Variants in ERBB4 observed in about 807,000 individuals in gnomAD.
ERBB4 encodes the protein receptor tyrosine-protein kinase erbB-4.
ERBB4 carries 42 observed loss-of-function variants against 158.0 expected under a neutral mutation model. The ratio of observed to expected loss-of-function variants is 0.27; its 90% CI spans 0.21 to 0.34. The LOEUF (loss-of-function observed/expected upper bound fraction) is 0.34. Among genes scored for constraint, ERBB4 ranks in the 10% least tolerant of loss-of-function variants. ERBB4 has a pLI of 1.00. For synonymous variants in ERBB4, 583 were observed against 558.7 expected, an observed-to-expected ratio of 1.04 and a Z score of -0.61; for missense variants, 1,333 against 1,624.1, an observed-to-expected ratio of 0.82 and a Z score of 3.08.
intron 20 of ERBB4, among the ~76,000 whole-genome samples, chr2:211,499,320 C>G (rs542157893): frequency 6.6e-6 from 1 of 151,868 alleles, no homozygotes; most frequent in Non-Finnish European, 1.5e-5. Context: ...GTCAGGAGAT[C>G]GAGACCATCC....
intron 20 of ERBB4, among the ~76,000 whole-genome samples, chr2:211,546,055 C>T (rs1421214771): frequency 2.0e-5 from 3 of 151,998 alleles, no homozygotes; most frequent in Non-Finnish European, 4.4e-5. Flanking sequence ...CCAAATAAAA[C>T]ATCATGAACC....
At chr2:211,515,914 T>TATATATATATATATATATATA (rs1559248895) in intron 20 of ERBB4, among the ~76,000 whole-genome samples, 2 of 50,706 alleles carry the variant, frequency 3.9e-5, no homozygotes, top group Admixed American at 2.2e-4. Flanking sequence ...ATATATATAT[T>TATATATATATATATATATATA]TTTTTTTTTT....
At chr2:212,329,406 A>T (rs2088019916) in intron 1 of ERBB4, among the ~76,000 whole-genome samples, 1 of 152,096 alleles carries the variant, frequency 6.6e-6, no homozygotes, top group Admixed American at 6.6e-5. Flanking sequence ...CTGTAATGGA[A>T]AAACAGTATG....
At chr2:211,555,115 T>C (rs1340447945) in intron 20 of ERBB4, among the ~76,000 whole-genome samples, 2 of 152,036 alleles carry the variant, frequency 1.3e-5, no homozygotes, top group Non-Finnish European at 2.9e-5. Context: ...TTCAGTCAAG[T>C]CCAAAGGCAG....
chr2:211,741,501 TAG>T (rs575541868), intron 5 of ERBB4, among the ~76,000 whole-genome samples: 21 of 137,966 alleles, frequency 1.5e-4, no homozygotes, highest in Non-Finnish European at 1.7e-4. Context: ...AGACAGATGA[TAG>T]AGAGAGAGAG....
At chr2:212,411,214 C>A (rs2091488385) in intron 1 of ERBB4, among the ~76,000 whole-genome samples, 1 of 151,798 alleles carries the variant, frequency 6.6e-6, no homozygotes, top group Non-Finnish European at 1.5e-5. Context: ...GCACTTATAC[C>A]TACTCTGTTG....
chr2:212,174,711 G>A (rs538187743), intron 1 of ERBB4, among the ~76,000 whole-genome samples: 1 of 152,074 alleles, frequency 6.6e-6, no homozygotes, highest in East Asian at 1.9e-4. Context: ...ATTTAATCTA[G>A]TAATAATTTT....
intron 20 of ERBB4, among the ~76,000 whole-genome samples, chr2:211,489,504 T>C (rs536504873): frequency 6.6e-6 from 1 of 152,166 alleles, no homozygotes; most frequent in South Asian, 2.1e-4. Flanking sequence ...TTATAGTTAT[T>C]ATAAAAATAT....
intron 19 of ERBB4, among the ~76,000 whole-genome samples, chr2:211,574,438 A>G (rs529080596): frequency 3.3e-5 from 5 of 152,330 alleles, no homozygotes; most frequent in African/African-American, 1.2e-4. Context: ...ATAATCAATA[A>G]CAATATGGAA....
At chr2:211,484,770 CATCT>C (rs1045382463) in intron 20 of ERBB4, among the ~76,000 whole-genome samples, 63 of 152,262 alleles carry the variant, frequency 4.1e-4, no homozygotes, top group African/African-American at 1.3e-3. Flanking sequence ...GAGATTTCAA[CATCT>C]ATCTGTCAAT....
At chr2:212,291,337 A>T (rs997336120) in intron 1 of ERBB4, among the ~76,000 whole-genome samples, 1 of 152,154 alleles carries the variant, frequency 6.6e-6, no homozygotes, top group Non-Finnish European at 1.5e-5. Context: ...GAACAGTTAT[A>T]TAAGTTGATA....
Position 211,715,052 on chromosome 2 carries a change from T to C in ERBB4, c.884-1404A>G, listed in dbSNP as rs543817634. ...CTCTGTCTGCCATCTCACCTATGAC[T>C]AGACTTGAAGCACAGAGACAAGAGA... On this transcript the variant is annotated intron_variant, in intron 7 of 27. Coordinates refer to ENST00000342788, the MANE Select transcript of ERBB4 (RefSeq NM_005235.3). 7.5e-4 allele frequency among the ~76,000 whole-genome samples: 114 copies of C among 152,316 alleles called. 1 individual carries two copies. The highest frequency in any genetic ancestry group is 2.6e-3 in the African/African-American group (107 of 41,570).
At chr2:212,430,178 T>C (rs1301771016) in intron 1 of ERBB4, among the ~76,000 whole-genome samples, 3 of 152,218 alleles carry the variant, frequency 2.0e-5, no homozygotes, top group Non-Finnish European at 4.4e-5. Flanking sequence ...TTTCCTCTTA[T>C]ACTTGTGTTT....
chr2:212,352,559 A>T (rs1574748461), intron 1 of ERBB4, among the ~76,000 whole-genome samples: 1 of 152,234 alleles, frequency 6.6e-6, no homozygotes, highest in Non-Finnish European at 1.5e-5. Context: ...GTGTAAAACC[A>T]TAGAAATAAA....
intron 1 of ERBB4, among the ~76,000 whole-genome samples, chr2:212,430,955 T>C (rs1209589728): frequency 6.6e-6 from 1 of 152,080 alleles, no homozygotes; most frequent in Non-Finnish European, 1.5e-5. Context: ...ACCCCAAACC[T>C]GGTCACATTG....
At chr2:211,430,491 G>A (rs2063724971) in intron 21 of ERBB4, among the ~76,000 whole-genome samples, 2 of 152,188 alleles carry the variant, frequency 1.3e-5, no homozygotes. Context: ...CAGTGGCTCT[G>A]TTCAGGGTTC....
intron 2 of ERBB4, among the ~76,000 whole-genome samples, chr2:212,009,872 T>A (rs887693094): frequency 7.9e-5 from 12 of 152,182 alleles, no homozygotes; most frequent in African/African-American, 2.9e-4. Flanking sequence ...CTCCTACTAA[T>A]CTTCTTTAGA....
intron 1 of ERBB4, among the ~76,000 whole-genome samples, chr2:212,192,960 A>C (rs1172193821): frequency 6.6e-6 from 1 of 152,154 alleles, no homozygotes; most frequent in African/African-American, 2.4e-5. Flanking sequence ...GAAGCTAATG[A>C]TAGTTTTTAC....
chr2:212,294,560 CTA>C (rs2086338074), intron 1 of ERBB4, among the ~76,000 whole-genome samples: 1 of 151,944 alleles, frequency 6.6e-6, no homozygotes, highest in African/African-American at 2.4e-5. Flanking sequence ...GTCAATCACT[CTA>C]TGAAAAGTTG....
Sources: allele counts gnomAD v4.1 joint callset (sites outside exome capture counted in the v4.1 genomes callset), GRCh38; gene constraint gnomAD v4.1.1; transcripts MANE v1.5; gene names NCBI Gene and HGNC (gene_info 2026-07-23, HGNC 2026-07-21).